SCFD2: variants seen among roughly 807,000 people sequenced by gnomAD.
SCFD2 encodes the protein sec1 family domain containing 2, also known as sec1 family domain-containing protein 2.
SCFD2 carries 54 observed loss-of-function variants against 58.9 expected under a neutral mutation model. The ratio of observed to expected loss-of-function variants is 0.92; its 90% CI spans 0.74 to 1.15. The LOEUF is 1.15. SCFD2 is among the 50% of genes most tolerant of loss of function. SCFD2 has a pLI of 0.00. For synonymous variants in SCFD2, 321 were observed against 335.9 expected, an observed-to-expected ratio of 0.96 and a Z score of 0.49; for missense variants, 805 against 836.6, an observed-to-expected ratio of 0.96 and a Z score of 0.47.
At chr4:53,265,196 A>G (rs2149058947) in intron 4 of SCFD2, among the ~76,000 whole-genome samples, 1 of 152,304 alleles carries the variant, frequency 6.6e-6, no homozygotes, top group East Asian at 1.9e-4. Flanking sequence ...TAGAGGGGAA[A>G]TCAGATGTTG....
chr4:53,001,680 C>A (rs1255263655), intron 5 of SCFD2, among the ~76,000 whole-genome samples: 1 of 152,174 alleles, frequency 6.6e-6, no homozygotes, highest in Non-Finnish European at 1.5e-5. Flanking sequence ...AAAACTTGAA[C>A]ACTCAAAATT....
intron 2 of SCFD2, among the ~76,000 whole-genome samples, chr4:53,343,714 G>C (rs1733963540): frequency 6.6e-6 from 1 of 152,124 alleles, no homozygotes; most frequent in Non-Finnish European, 1.5e-5. Flanking sequence ...ATAAAATACT[G>C]GCAAACTGAA....
chr4:53,056,126 CTT>C (rs34952397), intron 5 of SCFD2, among the ~76,000 whole-genome samples: 11 of 137,258 alleles, frequency 8.0e-5, no homozygotes, highest in Admixed American at 2.9e-4. Flanking sequence ...TGTAACGTAG[CTT>C]TTTTTTTTTT....
Position 53,249,360 on chromosome 4 carries a change from G to T in SCFD2, c.1311+24466C>A, listed in dbSNP as rs191391389. 4.7e-4 allele frequency among the ~76,000 whole-genome samples: 71 copies of T among 152,300 alleles called. 1 individual carries two copies. In the Middle Eastern group the frequency reaches 0.024, roughly 51 times the overall value. On this transcript the variant is annotated intron_variant, in intron 4 of 8. Coordinates refer to ENST00000401642, the MANE Select transcript of SCFD2 (RefSeq NM_152540.4). ...GTACCTGAAAGTGACAGGGAGAATG[G>T]AACCAAGTTGCAAAATACGCTGCAG...
intron 4 of SCFD2, among the ~76,000 whole-genome samples, chr4:53,204,216 C>A (rs932050010): frequency 2.0e-5 from 3 of 152,020 alleles, no homozygotes; most frequent in African/African-American, 7.3e-5. Flanking sequence ...TCTTTACAAC[C>A]TGGAACTATC....
chr4:53,105,779 C>T (rs1724976458), intron 5 of SCFD2, among the ~76,000 whole-genome samples: 1 of 152,188 alleles, frequency 6.6e-6, no homozygotes, highest in African/African-American at 2.4e-5. Flanking sequence ...ACTTAAATGT[C>T]CCTGCCTGCA....
At chr4:53,170,454 A>T (rs1483494245) in intron 4 of SCFD2, among the ~76,000 whole-genome samples, 2 of 152,194 alleles carry the variant, frequency 1.3e-5, no homozygotes, top group Non-Finnish European at 2.9e-5. Flanking sequence ...AATAGTTTGA[A>T]AGCAAGTAGT....
At chr4:52,926,959 C>T (rs1000308510) in intron 5 of SCFD2, among the ~76,000 whole-genome samples, 10 of 152,128 alleles carry the variant, frequency 6.6e-5, no homozygotes, top group Middle Eastern at 3.2e-3. Flanking sequence ...GAAAACAAAA[C>T]TAAATGAAGT....
chr4:53,053,522 A>T (rs1448401313), intron 5 of SCFD2, among the ~76,000 whole-genome samples: 2 of 152,148 alleles, frequency 1.3e-5, no homozygotes, highest in Non-Finnish European at 2.9e-5. Flanking sequence ...AGGCATACAA[A>T]GCTCTTTGTA....
chr4:53,174,038 AAAG>A (rs1386366033), intron 4 of SCFD2, among the ~76,000 whole-genome samples: 1 of 152,192 alleles, frequency 6.6e-6, no homozygotes, highest in African/African-American at 2.4e-5. Context: ...TATTTTTAAA[AAAG>A]AAGAGTTTTT....
intron 5 of SCFD2, among the ~76,000 whole-genome samples, chr4:52,924,903 T>C (rs922378766): frequency 1.3e-5 from 2 of 152,290 alleles, no homozygotes; most frequent in Non-Finnish European, 2.9e-5. Flanking sequence ...ATTCCAAATA[T>C]ATGCTGAATT....
chr4:53,024,687 G>A, intron 5 of SCFD2, among the ~76,000 whole-genome samples: 1 of 146,090 alleles, frequency 6.8e-6, no homozygotes, highest in African/African-American at 2.6e-5. Context: ...TTATTGAAAG[G>A]TGTTTATGTC....
At chr4:53,129,466 G>T (rs574571656) in intron 5 of SCFD2, among the ~76,000 whole-genome samples, 1 of 152,138 alleles carries the variant, frequency 6.6e-6, no homozygotes, top group Non-Finnish European at 1.5e-5. Flanking sequence ...CAGCATGGTT[G>T]CACACATACA....
At chr4:53,246,877 C>T (rs186677842) in intron 4 of SCFD2, among the ~76,000 whole-genome samples, 60 of 149,482 alleles carry the variant, frequency 4.0e-4, no homozygotes, top group African/African-American at 1.4e-3. Context: ...GAGCTCTGCA[C>T]AGTAAAAGAA....
At chr4:53,105,035 G>A (rs915123048) in intron 5 of SCFD2, among the ~76,000 whole-genome samples, 4 of 152,092 alleles carry the variant, frequency 2.6e-5, no homozygotes, top group Admixed American at 6.6e-5. Flanking sequence ...GCTCACAAAG[G>A]GCGAGCTGAA....
intron 3 of SCFD2, among the ~76,000 whole-genome samples, chr4:53,284,837 A>G (rs1325119898): frequency 2.0e-5 from 3 of 152,252 alleles, no homozygotes; most frequent in Admixed American, 6.5e-5. Context: ...TATACAGCCA[A>G]CCATATAGTG....
chr4:53,202,298 C>T (rs1728269652), intron 4 of SCFD2, among the ~76,000 whole-genome samples: 1 of 152,176 alleles, frequency 6.6e-6, no homozygotes, highest in Non-Finnish European at 1.5e-5. Flanking sequence ...TTCCCCATTG[C>T]TTGTTTTTCT....
intron 4 of SCFD2, among the ~76,000 whole-genome samples, chr4:53,202,381 C>A (rs1404791389): frequency 6.6e-6 from 1 of 151,776 alleles, no homozygotes; most frequent in African/African-American, 2.4e-5. Context: ...TTCCATTGGT[C>A]TATATCTCTG....
At chr4:53,172,162 A>G (rs1033825271) in intron 4 of SCFD2, among the ~76,000 whole-genome samples, 5 of 151,814 alleles carry the variant, frequency 3.3e-5, no homozygotes, top group South Asian at 2.1e-4. Context: ...ACGCACCACC[A>G]CACCCAGCTA....
Sources: gnomAD v4.1 joint callset for allele counts (sites outside exome capture counted in the v4.1 genomes callset) on GRCh38, gnomAD v4.1.1 for gene constraint, MANE v1.5 for transcripts, NCBI Gene and HGNC (gene_info 2026-07-23, HGNC 2026-07-21) for gene names.